The following CBX7 variants were observed in gnomAD, a reference collection of about 807,000 sequenced individuals.
CBX7 encodes the protein chromobox 7.
CBX7 carries 14 observed loss-of-function variants against 31.4 expected under a neutral mutation model. The ratio of observed to expected loss-of-function variants is 0.45; its 90% confidence interval spans 0.29 to 0.70. The LOEUF (loss-of-function observed/expected upper bound fraction) is 0.70. Among genes scored for constraint, CBX7 ranks in the 30% least tolerant of loss-of-function variants. The pLI, the probability that CBX7 is intolerant of heterozygous loss-of-function variation, is 0.11. For missense variants in CBX7, 269 were observed against 351.9 expected (o/e 0.76, Z 1.89); for synonymous variants, 159 against 152.6 (o/e 1.04, Z -0.31).
rs780909934 is a variant in CBX7 at position 39,132,815 on chromosome 22, A to T, written c.*1076T>A. 2.0e-5 allele frequency: 3 copies of T among 152,564 alleles called. No homozygotes were observed. The highest frequency in any genetic ancestry group is 4.4e-5 in the Non-Finnish European group (3 of 68,106). The allele number at this position is 152,564 out of a possible 1,614,324, so 9.5% of individuals were successfully genotyped here. A position where few individuals can be genotyped will look rare whatever the true frequency, so the allele number is the denominator to read the frequency against. On this transcript the variant is annotated 3_prime_UTR_variant, in exon 6 of 6. Transcript: ENST00000216133. The stretch of plus-strand genomic sequence containing the variant: ...GAGGGCAGAAAAAGAGGGGAATTGG[A>T]AGGGCTGAAAAGTCACCTGAGTCAG...
rs576181283 is a variant in CBX7, at chr22:39,132,590, C to T, written c.*1301G>A. 6.5e-6 allele frequency: 1 copy of T among 152,754 alleles called. No homozygotes were observed. Among genetic ancestry groups the T allele is most frequent in the African/African-American group, 2.4e-5 (1 of 41,588 alleles). The allele number at this position is 152,754 out of a possible 1,614,324, so 9.5% of individuals were successfully genotyped here. A position where few individuals can be genotyped will look rare whatever the true frequency, so the allele number is the denominator to read the frequency against. ...GGCAAAGCCTGCCCATCACACAGCACAGCCTGACCTCAGAGAGGCACGGCA... is the reference window on the plus strand; with the variant it reads ...GGCAAAGCCTGCCCATCACACAGCATAGCCTGACCTCAGAGAGGCACGGCA... On this transcript the variant is annotated 3_prime_UTR_variant, in exon 6 of 6. Coordinates refer to ENST00000216133, the MANE Select transcript of CBX7 (RefSeq NM_175709.5).
chr22:39,134,834 G>T, intron 4 of CBX7, 82 bp from the exon 5 acceptor site: 1 of 821,120 alleles, frequency 1.2e-6, no homozygotes, highest in Non-Finnish European at 1.7e-6. Flanking sequence ...CCTCCCACCC[G>T]GAATGCCCTT....
chr22:39,138,418 C>T (rs916358868), intron 4 of CBX7, among the ~76,000 whole-genome samples: 3 of 152,168 alleles, frequency 2.0e-5, no homozygotes, highest in African/African-American at 7.2e-5. Flanking sequence ...GTGGCACCGC[C>T]CACCCAGGCT....
At chr22:39,138,835 TC>T (rs2146356830) in intron 3 of CBX7, 133 bp from the exon 4 acceptor site, 2 of 780,424 alleles carry the variant, frequency 2.6e-6, no homozygotes, top group East Asian at 2.6e-5. Flanking sequence ...CCACCAATCC[TC>T]CCCATTGCCT....
chr22:39,138,596 G>A (rs1481382522), intron 4 of CBX7, 40 bp downstream of exon 4: 44 of 1,597,420 alleles, frequency 2.8e-5, no homozygotes, highest in Non-Finnish European at 3.7e-5. Context: ...ACTTGGGGTT[G>A]GGCAGGGGGA....
In CBX7 at chr22:39,152,357, C is replaced by A; in HGVS notation, c.69+19G>T. 2 of 1,379,504 alleles carry A rather than the reference C, an allele frequency of 1.4e-6. No homozygotes were observed. Among genetic ancestry groups the A allele is most frequent in the East Asian group, 3.0e-5 (1 of 33,280 alleles). 85.5% of individuals were successfully genotyped at this position (1,379,504 alleles called of 1,614,324 possible). On this transcript the variant is annotated intron_variant, in intron 1 of 5. Coordinates refer to ENST00000216133, the MANE Select transcript of CBX7 (RefSeq NM_175709.5). The surrounding 1 kb of genome is among the most constrained non-coding windows in gnomAD (Gnocchi z 4.9). ...GGGACCCCACTGGGGTCCTGGGAGC[C>A]GCCCCCGGGCAGCCTCACCTTCCGC...
At chr22:39,151,359 G>C (rs541273755) in intron 1 of CBX7, among the ~76,000 whole-genome samples, 43 of 152,274 alleles carry the variant, frequency 2.8e-4, no homozygotes, top group African/African-American at 9.9e-4. Context: ...TGCCAGGACT[G>C]AGTTTTCTCT....
chr22:39,149,835 G>A lies in CBX7; in HGVS notation c.70-3C>T. On this transcript the variant is annotated splice_region_variant and splice_polypyrimidine_tract_variant and intron_variant, in intron 1 of 5. Transcript: ENST00000216133. The stretch of plus-strand genomic sequence containing the variant: ...TTCACCAGATACTCGACTTTACCCT[G>A]AGAAGAGAGAGAAGCAGACACAGTG... The A allele has an allele frequency of 5.6e-6, 9 of 1,613,578 alleles. No individual in the cohort carries two copies. The highest frequency in any genetic ancestry group is 7.6e-6 in the Non-Finnish European group (9 of 1,179,580).
At position 39,134,643 on chromosome 22, in the gene CBX7, T is replaced by C. The variant is rs778310803; in HGVS notation, c.356A>G (p.Lys119Arg). The C allele has an allele frequency of 6.0e-5, 95 of 1,588,310 alleles. No individual in the cohort carries two copies. Among genetic ancestry groups the C allele is most frequent in the Non-Finnish European group, 1.7e-6 (2 of 1,167,144 alleles). The change falls in exon 5 of 6, where the codon AAG becomes AGG. Residue 119 changes from lysine (K) to arginine (R), a missense_variant. This residue lies in a region of CBX7 where 222 missense variants were observed against 240.4 expected (regional missense o/e 0.92). Coordinates refer to ENST00000216133, the MANE Select transcript of CBX7 (RefSeq NM_175709.5). ...GTCCACCAGCTCAGGTGCCCCCGCC[T>C]TGACCACCCCCTCAGGGCTCCCGCT... Reference protein sequence around the residue: ...LGSGSPEGVVKAGAPELVDKG... With the variant: ...LGSGSPEGVVRAGAPELVDKG...
At chr22:39,138,854 G>T (rs1569107805) in intron 3 of CBX7, 152 bp from the exon 4 acceptor site, 1 of 716,596 alleles carries the variant, frequency 1.4e-6, no homozygotes, top group East Asian at 2.7e-5. Context: ...CCTGGCTGGG[G>T]CCATAACAAC....
chr22:39,143,623 T>C (rs961334003), intron 2 of CBX7, among the ~76,000 whole-genome samples: 32 of 152,222 alleles, frequency 2.1e-4, no homozygotes, highest in Admixed American at 1.8e-3. Flanking sequence ...TCATCGACAG[T>C]GAGTGACATG....
chr22:39,140,747 A>G (rs1930425098), intron 3 of CBX7, among the ~76,000 whole-genome samples: 1 of 152,152 alleles, frequency 6.6e-6, no homozygotes, highest in Admixed American at 6.5e-5. Flanking sequence ...GGGCGGCCAG[A>G]GAGGGCACAC....
chr22:39,140,212 C>G (rs2146358931), intron 3 of CBX7, among the ~76,000 whole-genome samples: 1 of 152,316 alleles, frequency 6.6e-6, no homozygotes, highest in Non-Finnish European at 1.5e-5. Context: ...TTGCAAATGT[C>G]TGACCATCCA....
intron 2 of CBX7, among the ~76,000 whole-genome samples, chr22:39,145,927 G>A (rs1930646029): frequency 6.6e-6 from 1 of 152,102 alleles, no homozygotes; most frequent in African/African-American, 2.4e-5. Context: ...GGCCTTTCCC[G>A]GGGGGTCGGG....
At chr22:39,139,546 C>CA (rs1217936919) in intron 3 of CBX7, among the ~76,000 whole-genome samples, 1 of 151,070 alleles carries the variant, frequency 6.6e-6, no homozygotes, top group African/African-American at 2.4e-5. Flanking sequence ...ACTAAAAATA[C>CA]AAAAAAATTA....
chr22:39,148,288 A>G (rs1930731072), intron 2 of CBX7: 1 of 152,284 alleles, frequency 6.6e-6, no homozygotes, highest in Non-Finnish European at 1.5e-5. Flanking sequence ...TGCAGTGGGC[A>G]GATGGATTCA....
rs915284079 is a variant in CBX7 at position 39,133,217 on chromosome 22, G to C, written c.*674C>G. ...GGCACATGGGAACGTACACGCGAAG[G>C]GTAATGCGTGCACACCTGTGCAGCC... On this transcript the variant is annotated 3_prime_UTR_variant, in exon 6 of 6. Coordinates refer to ENST00000216133, the MANE Select transcript of CBX7 (RefSeq NM_175709.5). 2.6e-5 allele frequency: 4 copies of C among 152,178 alleles called. No homozygotes were observed. Among genetic ancestry groups the C allele is most frequent in the Non-Finnish European group, 5.9e-5 (4 of 68,070 alleles). 9.4% of individuals were successfully genotyped at this position (152,178 alleles called of 1,614,324 possible).
At chr22:39,144,496 C>T (rs1002793241) in intron 2 of CBX7, among the ~76,000 whole-genome samples, 1 of 152,212 alleles carries the variant, frequency 6.6e-6, no homozygotes, top group Non-Finnish European at 1.5e-5. Context: ...GCAGAGCCAC[C>T]GCAAAGTGGC....
chr22:39,148,136 G>T, intron 2 of CBX7: 1 of 152,436 alleles, frequency 6.6e-6, no homozygotes, highest in Non-Finnish European at 1.5e-5. Context: ...AGTGGAGGGG[G>T]GTGAGAAGAG....
Sources: allele counts gnomAD v4.1 joint callset (sites outside exome capture counted in the v4.1 genomes callset), GRCh38; gene constraint gnomAD v4.1.1; regional missense constraint gnomAD v4.1.1; non-coding constraint Gnocchi (gnomAD v3.1); transcripts MANE v1.5; gene names NCBI Gene and HGNC (gene_info 2026-07-23, HGNC 2026-07-21).